CDH20: variants seen among roughly 807,000 people sequenced by gnomAD.
CDH20 encodes cadherin 20.
Under a neutral mutation model 74.2 loss-of-function variants are expected in CDH20, and 29 were observed. The observed-to-expected ratio is 0.39, with a 90% CI of 0.29 to 0.53. The LOEUF (loss-of-function observed/expected upper bound fraction) is 0.53. CDH20 is among the 20% of genes least tolerant of loss of function. The pLI, the probability that CDH20 is intolerant of heterozygous loss-of-function variation, is 0.69. For synonymous variants in CDH20, 469 were observed against 405.4 expected (o/e 1.16, Z -1.88); for missense variants, 988 against 1,048.3 (o/e 0.94, Z 0.79).
chr18:61,370,939 T>C (rs1011864645), intron 1 of CDH20, among the ~76,000 whole-genome samples: 1 of 152,052 alleles, frequency 6.6e-6, no homozygotes, highest in African/African-American at 2.4e-5. Context: ...TCTCCAACTA[T>C]AAAAAAGTTA....
chr18:61,553,424 T>C (rs1395464545), intron 11 of CDH20, among the ~76,000 whole-genome samples: 1 of 152,212 alleles, frequency 6.6e-6, no homozygotes, highest in Admixed American at 6.5e-5. Context: ...TGGGATAAAA[T>C]TTTATCCAAA....
At chr18:61,476,870 A>G (rs996158989) in intron 1 of CDH20, among the ~76,000 whole-genome samples, 8 of 152,182 alleles carry the variant, frequency 5.3e-5, no homozygotes, top group Admixed American at 3.9e-4. Context: ...GTCCTTTGTT[A>G]ACATAGAACT....
chr18:61,514,865 C>A (rs1275003293), intron 6 of CDH20, among the ~76,000 whole-genome samples: 1 of 151,936 alleles, frequency 6.6e-6, no homozygotes, highest in African/African-American at 2.4e-5. Context: ...ATTCTCAGAT[C>A]TCCAGCTGCG....
intron 6 of CDH20, among the ~76,000 whole-genome samples, chr18:61,512,380 G>A (rs934517752): frequency 6.6e-6 from 1 of 152,130 alleles, no homozygotes; most frequent in Non-Finnish European, 1.5e-5. Flanking sequence ...TCTCTTCTTA[G>A]GCAGGTCATA....
intron 1 of CDH20, among the ~76,000 whole-genome samples, chr18:61,341,315 A>G (rs1247798860): frequency 6.6e-6 from 1 of 152,164 alleles, no homozygotes; most frequent in Non-Finnish European, 1.5e-5. Context: ...GTATTCTCAC[A>G]TGACAGAAAG....
chr18:61,459,084 C>T (rs2144354486), intron 1 of CDH20, among the ~76,000 whole-genome samples: 1 of 152,294 alleles, frequency 6.6e-6, no homozygotes, highest in East Asian at 1.9e-4. Flanking sequence ...TTAAGTGCTG[C>T]TGTGGATATA....
intron 1 of CDH20, among the ~76,000 whole-genome samples, chr18:61,347,426 A>G (rs1910163629): frequency 6.7e-6 from 1 of 150,324 alleles, no homozygotes; most frequent in East Asian, 2.0e-4. Flanking sequence ...AGGCTGAGGC[A>G]TGAGAATCAC....
chr18:61,517,206 C>A (rs1383528111), intron 6 of CDH20, among the ~76,000 whole-genome samples: 2 of 152,132 alleles, frequency 1.3e-5, no homozygotes, highest in Non-Finnish European at 2.9e-5. Context: ...AGATGTATTC[C>A]ATATTACATC....
intron 1 of CDH20, among the ~76,000 whole-genome samples, chr18:61,374,752 A>G (rs1262448159): frequency 1.3e-5 from 2 of 152,058 alleles, no homozygotes; most frequent in African/African-American, 4.8e-5. Flanking sequence ...GCAGTTTCAG[A>G]TACAGGTCAC....
rs1450424390 is a variant in CDH20, at chr18:61,499,291, G to A, written c.352G>A (p.Ala118Thr). 8.1e-6 allele frequency: 13 copies of A among 1,613,982 alleles called. No homozygotes were observed. The highest frequency in any genetic ancestry group is 1.7e-5 in the Admixed American group (1 of 59,994). Reference sequence around the variant, plus strand: ...CGACGACACCACTGGAGACATCCACGCCATTCAGAGGCTCGACCGAGAGGA... The same window carrying A: ...CGACGACACCACTGGAGACATCCACACCATTCAGAGGCTCGACCGAGAGGA... The part of the protein sequence containing the change: ...TIDDTTGDIH[A>T]IQRLDREERA... Residue 118 changes from alanine (A) to threonine (T), a missense_variant, in exon 3 of 12, where the codon GCC (alanine) becomes ACC (threonine). Around this residue, in one of 2 missense-constraint regions of CDH20, gnomAD observed 613 missense variants for 755.2 expected, o/e 0.81. Coordinates refer to ENST00000262717, the MANE Select transcript of CDH20 (RefSeq NM_031891.4).
At chr18:61,510,980 C>CTTTTTTTTTTTTTTTTTT (rs112741210) in intron 6 of CDH20, among the ~76,000 whole-genome samples, 6 of 135,994 alleles carry the variant, frequency 4.4e-5, no homozygotes, top group Middle Eastern at 3.7e-3. Context: ...TTCTTTCTTT[C>CTTTTTTTTTTTTTTTTTT]TTTTTTTTTT....
At chr18:61,431,517 T>G (rs1913255202) in intron 1 of CDH20, among the ~76,000 whole-genome samples, 1 of 152,174 alleles carries the variant, frequency 6.6e-6, no homozygotes, top group Non-Finnish European at 1.5e-5. Context: ...TAATGTACCA[T>G]AGAAATGTAA....
In CDH20 at chr18:61,390,986, G is replaced by GA. The variant is rs575255395; in HGVS notation, c.-153+57166dup. 4.3e-4 allele frequency among the ~76,000 whole-genome samples: 66 copies of GA among 152,030 alleles called. 1 individual carries two copies. Among genetic ancestry groups the GA allele is most frequent in the African/African-American group, 1.5e-3 (61 of 41,502 alleles). On this transcript the variant is annotated intron_variant, in intron 1 of 11. Coordinates refer to ENST00000262717, the MANE Select transcript of CDH20 (RefSeq NM_031891.4). ...CAGATGACAGACTCTACTTAGAAGT[G>GA]AAAAAAATATACATATGGTAAAAGC...
chr18:61,432,259 A>C (rs1156464729), intron 1 of CDH20, among the ~76,000 whole-genome samples: 9 of 151,334 alleles, frequency 5.9e-5, no homozygotes, highest in African/African-American at 9.7e-5. Context: ...AAAAAAAAAA[A>C]AAAAACACAA....
chr18:61,344,781 A>C (rs1309476630), intron 1 of CDH20, among the ~76,000 whole-genome samples: 1 of 152,196 alleles, frequency 6.6e-6, no homozygotes, highest in Non-Finnish European at 1.5e-5. Flanking sequence ...TCCAGACTGG[A>C]AGGTACTAGT....
rs73963096 is a variant in CDH20 at position 61,430,994 on chromosome 18, G to A, written c.-152-59408G>A. Among the ~76,000 whole-genome samples, 575 of 152,214 alleles carry A rather than the reference G, an allele frequency of 3.8e-3. 1 individual carries two copies. Among genetic ancestry groups the A allele is most frequent in the African/African-American group, 0.013 (549 of 41,522 alleles). ...TTGTTACTTCTAAGATCTCTCAAGCGACAGAGATAGGAAATATATGTATAT... is the reference window on the plus strand; with the variant it reads ...TTGTTACTTCTAAGATCTCTCAAGCAACAGAGATAGGAAATATATGTATAT... On this transcript the variant is annotated intron_variant, in intron 1 of 11. Coordinates refer to ENST00000262717, the MANE Select transcript of CDH20 (RefSeq NM_031891.4).
intron 1 of CDH20, among the ~76,000 whole-genome samples, chr18:61,474,863 A>G (rs975081941): frequency 5.9e-5 from 9 of 152,156 alleles, no homozygotes; most frequent in African/African-American, 1.9e-4. Flanking sequence ...TTAGCAAGGA[A>G]GGGCCGGGGA....
At chr18:61,461,756 A>G (rs1418972138) in intron 1 of CDH20, among the ~76,000 whole-genome samples, 1 of 152,168 alleles carries the variant, frequency 6.6e-6, no homozygotes, top group Non-Finnish European at 1.5e-5. Flanking sequence ...GAGCCCTGTT[A>G]CAGAATTTTC....
At chr18:61,543,300 T>C (rs1234459703) in intron 9 of CDH20, among the ~76,000 whole-genome samples, 2 of 152,172 alleles carry the variant, frequency 1.3e-5, no homozygotes, top group African/African-American at 4.8e-5. Flanking sequence ...TCCTGGTTCC[T>C]ATGGTGGTAG....
Sources: gnomAD v4.1 joint callset for allele counts (sites outside exome capture counted in the v4.1 genomes callset) on GRCh38, gnomAD v4.1.1 for gene constraint, gnomAD v4.1.1 regional missense constraint, MANE v1.5 for transcripts, NCBI Gene and HGNC (gene_info 2026-07-23, HGNC 2026-07-21) for gene names.